SLC30A6: variants seen among roughly 807,000 people sequenced by gnomAD.
SLC30A6 encodes the protein solute carrier family 30 member 6.
In SLC30A6, 55 loss-of-function variants were observed where a neutral mutation model predicts 63.0. The observed-to-expected ratio is 0.87, with a 90% CI of 0.70 to 1.09. The LOEUF (loss-of-function observed/expected upper bound fraction) is 1.09, where lower values mean the gene tolerates loss of function less well. SLC30A6 is among the 50% of genes least tolerant of loss of function. SLC30A6 has a pLI of 0.00. For synonymous variants in SLC30A6, 224 were observed against 186.1 expected (o/e 1.20, Z -1.66); for missense variants, 587 against 549.2 (o/e 1.07, Z -0.69).
intron 1 of SLC30A6, among the ~76,000 whole-genome samples, chr2:32,166,433 A>G (rs1299729778): frequency 6.6e-6 from 1 of 152,246 alleles, no homozygotes; most frequent in Non-Finnish European, 1.5e-5. Flanking sequence ...CAGAAAGTCA[A>G]GGTGTTGGTA....
intron 2 of SLC30A6, 114 bp from the exon 3 acceptor site, chr2:32,173,949 T>A: frequency 1.4e-6 from 1 of 690,760 alleles, no homozygotes; most frequent in South Asian, 3.0e-5. Flanking sequence ...ACAGACTTTT[T>A]GAAGGAAGTT....
In SLC30A6 at chr2:32,220,668, A is replaced by G; in HGVS notation, c.1341A>G (p.Pro447=). Residue 447 remains proline (P), a synonymous_variant, in exon 14 of 14, where the codon CCA becomes CCG. Coordinates refer to ENST00000282587, the MANE Select transcript of SLC30A6 (RefSeq NM_017964.5). Reference sequence around the variant, plus strand: ...TGAGGACTGGTTTTACAAATATACCAAGTAGATATGGAACTAATAATAGAA... The same window carrying G: ...TGAGGACTGGTTTTACAAATATACCGAGTAGATATGGAACTAATAATAGAA... ...QGLRTGFTNI[P]SRYGTNNRIG... is the part of the protein sequence containing the mutation. The G allele has an allele frequency of 6.2e-7, 1 of 1,614,012 alleles. No individual in the cohort carries two copies. Among genetic ancestry groups the G allele is most frequent in the Non-Finnish European group, 8.5e-7 (1 of 1,179,912 alleles).
intron 8 of SLC30A6, 104 bp from the exon 9 acceptor site, chr2:32,197,240 T>C: frequency 4.1e-6 from 4 of 967,604 alleles, no homozygotes; most frequent in Non-Finnish European, 6.2e-6. Flanking sequence ...GTAATGTTAT[T>C]CAGTCACTGC....
Position 32,213,796 on chromosome 2 carries a change from C to CTTTTTTTT in SLC30A6, c.885+4242_885+4249dup, listed in dbSNP as rs767073182. On this transcript the variant is annotated intron_variant, in intron 13 of 13. Transcript: ENST00000282587. ...CCTATATTAACAGGTCTAGGATAAA[C>CTTTTTTTT]TTTTTTTTTTTTTTGTTTTTGTTTT... is the stretch of plus-strand genomic sequence containing the variant. Among the ~76,000 whole-genome samples the CTTTTTTTT allele has an allele frequency of 3.2e-4, 34 of 106,774 alleles. 2 individuals carry two copies. Among genetic ancestry groups the CTTTTTTTT allele is most frequent in the African/African-American group, 3.5e-4 (9 of 25,366 alleles). 70.0% of individuals were successfully genotyped at this position (106,774 alleles called of 152,430 possible).
intron 8 of SLC30A6, among the ~76,000 whole-genome samples, chr2:32,195,099 CTTT>C (rs11453810): frequency 5.6e-5 from 7 of 125,736 alleles, no homozygotes; most frequent in African/African-American, 1.5e-4. Context: ...TTATGCCTGG[CTTT>C]TTTTTTTTTT....
intron 3 of SLC30A6, 65 bp from the exon 4 acceptor site, chr2:32,175,254 G>A: frequency 6.7e-7 from 1 of 1,494,786 alleles, no homozygotes; most frequent in Non-Finnish European, 9.2e-7. Context: ...AATAATTTTG[G>A]TAACTTGCTG....
chr2:32,187,852 A>T (rs879535022), intron 5 of SLC30A6, among the ~76,000 whole-genome samples: 2 of 152,162 alleles, frequency 1.3e-5, no homozygotes, highest in Admixed American at 6.6e-5. Flanking sequence ...AATTATGTCA[A>T]GGTAACCTAC....
At chr2:32,202,923 C>G in intron 10 of SLC30A6, 1 of 1,100,866 alleles carries the variant, frequency 9.1e-7, no homozygotes, top group Non-Finnish European at 1.4e-6. Context: ...GTCTCAGAGG[C>G]CAGCAGTTAC....
chr2:32,192,565 A>G (rs1432665343), intron 6 of SLC30A6, 149 bp downstream of exon 6: 2 of 645,762 alleles, frequency 3.1e-6, no homozygotes, highest in South Asian at 4.5e-5. Flanking sequence ...TATGTTTCAG[A>G]CTTTTTCTTC....
chr2:32,217,056 T>A (rs1309697229), intron 13 of SLC30A6, among the ~76,000 whole-genome samples: 2 of 130,806 alleles, frequency 1.5e-5, no homozygotes, highest in African/African-American at 2.6e-5. Flanking sequence ...GCCCGGCAAA[T>A]TTTTTTTTTT....
At position 32,193,422 on chromosome 2, in the gene SLC30A6, C is replaced by T. The variant is rs148236405; in HGVS notation, c.402-467C>T. Among the ~76,000 whole-genome samples, 895 of 151,824 alleles carry T rather than the reference C, an allele frequency of 5.9e-3. 11 individuals are homozygous for T. Among genetic ancestry groups the T allele is most frequent in the African/African-American group, 0.02 (837 of 41,392 alleles). ...AGACCCTGTCTCCAAAAAAAAGAAA[C>T]GTATATATGTTTCATATATATTGCA... On this transcript the variant is annotated intron_variant, in intron 7 of 13. Coordinates refer to ENST00000282587, the MANE Select transcript of SLC30A6 (RefSeq NM_017964.5).
At chr2:32,193,673 T>C (rs1180167002) in intron 7 of SLC30A6, among the ~76,000 whole-genome samples, 1 of 152,194 alleles carries the variant, frequency 6.6e-6, no homozygotes, top group Non-Finnish European at 1.5e-5. Flanking sequence ...CTGTTAATGC[T>C]AAAAGTCCTT....
intron 10 of SLC30A6, among the ~76,000 whole-genome samples, chr2:32,200,347 G>T (rs1684176048): frequency 6.6e-6 from 1 of 151,666 alleles, no homozygotes; most frequent in Non-Finnish European, 1.5e-5. Context: ...CCCTCCCCTT[G>T]AGGTGTACCC....
rs554442930 is a variant in SLC30A6, at chr2:32,175,380, T to C, written c.218+19T>C. Reference sequence around the variant, plus strand: ...TTTTTAGGTAAGTTTTTAGGAAATCTTAATGTTTTGGAGCTAATAAGGAAC... The same window carrying C: ...TTTTTAGGTAAGTTTTTAGGAAATCCTAATGTTTTGGAGCTAATAAGGAAC... On this transcript the variant is annotated intron_variant, in intron 4 of 13. Coordinates refer to ENST00000282587, the MANE Select transcript of SLC30A6 (RefSeq NM_017964.5). The C allele has an allele frequency of 6.2e-7, 1 of 1,608,074 alleles. No individual in the cohort carries two copies.
rs536525288 is a variant in SLC30A6, at chr2:32,224,086, A to T, written c.*3373A>T. 6.4e-6 allele frequency: 1 copy of T among 157,316 alleles called. No homozygotes were observed. The highest frequency in any genetic ancestry group is 1.4e-5 in the Non-Finnish European group (1 of 71,644). 9.7% of individuals were successfully genotyped at this position (157,316 alleles called of 1,614,324 possible). On this transcript the variant is annotated 3_prime_UTR_variant, in exon 14 of 14. Transcript: ENST00000282587. The stretch of plus-strand genomic sequence containing the variant: ...AATTAAACTGTTTGGATTAAAGAAC[A>T]TATATGGAGTTTCCTCTCTGGTTTT...
intron 13 of SLC30A6, among the ~76,000 whole-genome samples, chr2:32,210,689 A>G (rs2148897088): frequency 6.6e-6 from 1 of 152,086 alleles, no homozygotes; most frequent in Non-Finnish European, 1.5e-5. Context: ...CACAAATTTT[A>G]TAGATAAACA....
chr2:32,199,976 G>A (rs1023110095), intron 10 of SLC30A6, among the ~76,000 whole-genome samples: 39 of 152,114 alleles, frequency 2.6e-4, no homozygotes, highest in African/African-American at 8.2e-4. Context: ...TTAGCTGGGC[G>A]TGGTGATGCA....
chr2:32,174,633 A>G (rs1681558615), intron 3 of SLC30A6, among the ~76,000 whole-genome samples: 1 of 129,610 alleles, frequency 7.7e-6, no homozygotes, highest in Admixed American at 1.0e-4. Context: ...GGCCCACTGC[A>G]TCCTCCACCT....
chr2:32,181,802 A>C (rs1425878434), intron 4 of SLC30A6, among the ~76,000 whole-genome samples: 14 of 151,934 alleles, frequency 9.2e-5, no homozygotes, highest in Non-Finnish European at 1.0e-4. Context: ...TGGGAGGTGG[A>C]GGTTGCAGTG....
Sources: gnomAD v4.1 joint callset for allele counts (sites outside exome capture counted in the v4.1 genomes callset) on GRCh38, gnomAD v4.1.1 for gene constraint, MANE v1.5 for transcripts, NCBI Gene and HGNC (gene_info 2026-07-23, HGNC 2026-07-21) for gene names.